ADGRL2: variants seen among roughly 807,000 people sequenced by gnomAD.
ADGRL2 encodes adhesion G protein-coupled receptor L2.
ADGRL2 carries 44 observed loss-of-function variants against 157.4 expected under a neutral mutation model. That is an observed-to-expected ratio of 0.28 (90% CI 0.22 to 0.36). The LOEUF (loss-of-function observed/expected upper bound fraction) is 0.36, where lower values mean the gene tolerates loss of function less well. Among genes scored for constraint, ADGRL2 ranks in the 10% least tolerant of loss-of-function variants. The pLI is 1.00. For synonymous variants in ADGRL2, 585 were observed against 624.7 expected (o/e 0.94, Z 0.95); for missense variants, 1,510 against 1,768.9 (o/e 0.85, Z 2.63).
chr1:81,356,433 G>A (rs747253738), intron 1 of ADGRL2, among the ~76,000 whole-genome samples: 29 of 152,052 alleles, frequency 1.9e-4, no homozygotes, highest in Admixed American at 3.3e-4. Context: ...ACATTACTAA[G>A]TCTGAAACTA....
intron 1 of ADGRL2, among the ~76,000 whole-genome samples, chr1:81,413,623 G>C (rs1570899893): frequency 6.6e-6 from 1 of 152,272 alleles, no homozygotes; most frequent in Middle Eastern, 3.4e-3. Context: ...TGTTTTGGAT[G>C]ACTACTTATC....
chr1:81,924,483 A>T (rs1228649286), intron 3 of ADGRL2, among the ~76,000 whole-genome samples: 2 of 152,160 alleles, frequency 1.3e-5, no homozygotes, highest in South Asian at 2.1e-4. Context: ...AGAGACGAGT[A>T]CTGAGCCATG....
intron 2 of ADGRL2, among the ~76,000 whole-genome samples, chr1:81,890,122 T>C (rs905306075): frequency 2.6e-5 from 4 of 152,202 alleles, no homozygotes; most frequent in African/African-American, 9.7e-5. Context: ...TTTCCTGATA[T>C]AGTTTATGCT....
chr1:81,695,505 C>G (rs1480584556), upstream of ADGRL2, among the ~76,000 whole-genome samples: 1 of 152,100 alleles, frequency 6.6e-6, no homozygotes, highest in Non-Finnish European at 1.5e-5. Flanking sequence ...TAGCACACGG[C>G]TGAGGCAGCT....
At chr1:81,773,199 T>G (rs2149353549) in intron 2 of ADGRL2, among the ~76,000 whole-genome samples, 1 of 152,352 alleles carries the variant, frequency 6.6e-6, no homozygotes, top group South Asian at 2.1e-4. Flanking sequence ...TGAGCCTTAA[T>G]TCCAGTTATT....
chr1:81,910,823 G>A (rs988044783), intron 3 of ADGRL2, among the ~76,000 whole-genome samples: 4 of 151,512 alleles, frequency 2.6e-5, no homozygotes, highest in African/African-American at 9.7e-5. Context: ...ATTCAGTCAT[G>A]TAGTGATGGG....
At chr1:81,516,225 T>C (rs572919688) in intron 2 of ADGRL2, among the ~76,000 whole-genome samples, 5 of 152,344 alleles carry the variant, frequency 3.3e-5, no homozygotes, top group South Asian at 4.1e-4. Flanking sequence ...AGCATGCATT[T>C]TACTTTTTTT....
intron 1 of ADGRL2, among the ~76,000 whole-genome samples, chr1:81,732,683 C>G (rs2084765903): frequency 6.6e-6 from 1 of 152,048 alleles, no homozygotes; most frequent in Non-Finnish European, 1.5e-5. Context: ...TAAAAAGATG[C>G]AAAGTTTCAT....
Position 81,984,640 on chromosome 1 carries a change from A to G in ADGRL2, c.3340A>G (p.Thr1114Ala), listed in dbSNP as rs758393417. ...RHSYCCGGLP[T>A]ESPHSSVKAS... is the part of the protein sequence containing the mutation. The stretch of plus-strand genomic sequence containing the variant: ...CTCATACTGCTGTGGAGGCCTCCCA[A>G]CTGAGAGTCCCCACAGTTCAGTGAA... The change falls in exon 20 of 24, where the codon ACT becomes GCT. Residue 1114 changes from threonine (T) to alanine (A), a missense_variant. Transcript: ENST00000686636. 1.2e-5 allele frequency: 19 copies of G among 1,612,734 alleles called. No homozygotes were observed. The highest frequency in any genetic ancestry group is 1.6e-4 in the Middle Eastern group (1 of 6,070).
At chr1:81,314,372 A>T (rs1659964590) in intron 1 of ADGRL2, among the ~76,000 whole-genome samples, 1 of 152,208 alleles carries the variant, frequency 6.6e-6, no homozygotes, top group Non-Finnish European at 1.5e-5. Flanking sequence ...GTTTGCATTA[A>T]CAGCACTGTG....
intron 1 of ADGRL2, among the ~76,000 whole-genome samples, chr1:81,384,705 C>T (rs181758192): frequency 3.4e-4 from 52 of 152,034 alleles, no homozygotes; most frequent in Admixed American, 2.8e-3. Flanking sequence ...ATTTGAATAC[C>T]TTCTGATCAT....
intron 2 of ADGRL2, among the ~76,000 whole-genome samples, chr1:81,478,232 G>T (rs1243925199): frequency 2.6e-5 from 4 of 152,180 alleles, no homozygotes; most frequent in Non-Finnish European, 5.9e-5. Flanking sequence ...CATCGGAGAG[G>T]TGAGGTATCA....
intron 2 of ADGRL2, among the ~76,000 whole-genome samples, chr1:81,473,341 A>G (rs932136498): frequency 1.1e-4 from 17 of 152,214 alleles, no homozygotes; most frequent in African/African-American, 4.1e-4. Flanking sequence ...ACAAGAGTCT[A>G]TTGAGCACTT....
chr1:81,424,201 T>G (rs2077172846), intron 1 of ADGRL2, among the ~76,000 whole-genome samples: 1 of 152,186 alleles, frequency 6.6e-6, no homozygotes, highest in Non-Finnish European at 1.5e-5. Flanking sequence ...CCAGAAAGGA[T>G]GATGCATCAC....
At chr1:81,409,408 T>C (rs904806388) in intron 1 of ADGRL2, among the ~76,000 whole-genome samples, 1 of 152,158 alleles carries the variant, frequency 6.6e-6, no homozygotes, top group African/African-American at 2.4e-5. Flanking sequence ...ACAGAAGCTG[T>C]GTGGGTTAGG....
intron 2 of ADGRL2, among the ~76,000 whole-genome samples, chr1:81,534,346 G>C (rs2079680570): frequency 6.6e-6 from 1 of 152,080 alleles, no homozygotes; most frequent in Non-Finnish European, 1.5e-5. Flanking sequence ...ATTTTCGGTA[G>C]AGACGGGGTT....
intron 6 of ADGRL2, among the ~76,000 whole-genome samples, chr1:81,948,307 G>A (rs1650596480): frequency 6.6e-6 from 1 of 151,134 alleles, no homozygotes; most frequent in African/African-American, 2.4e-5. Flanking sequence ...AATGTTGCAT[G>A]AAATTTTGCA....
chr1:81,501,098 C>G (rs1360952987), intron 2 of ADGRL2, among the ~76,000 whole-genome samples: 3 of 152,142 alleles, frequency 2.0e-5, no homozygotes, highest in Admixed American at 2.0e-4. Flanking sequence ...TCATTAGTAC[C>G]ATAGAGCTAA....
At chr1:81,533,722 ATAATT>A (rs2148271645) in intron 2 of ADGRL2, among the ~76,000 whole-genome samples, 1 of 152,330 alleles carries the variant, frequency 6.6e-6, no homozygotes, top group Non-Finnish European at 1.5e-5. Flanking sequence ...TGTGTAAACT[ATAATT>A]TATTCTATTA....
Sources: allele counts gnomAD v4.1 joint callset (sites outside exome capture counted in the v4.1 genomes callset), GRCh38; gene constraint gnomAD v4.1.1; transcripts MANE v1.5; gene names NCBI Gene and HGNC (gene_info 2026-07-23, HGNC 2026-07-21).